The following SRGAP3 variants were observed in gnomAD, a reference collection of about 807,000 sequenced individuals.
The protein encoded by SRGAP3 is SLIT-ROBO Rho GTPase-activating protein 3.
SRGAP3 carries 39 observed loss-of-function variants against 121.1 expected under a neutral mutation model. The observed-to-expected ratio is 0.32, with a 90% CI of 0.25 to 0.42. SRGAP3 has a LOEUF of 0.42. Among genes scored for constraint, SRGAP3 ranks in the 10% least tolerant of loss-of-function variants. SRGAP3 has a pLI of 1.00. For synonymous variants in SRGAP3, 601 were observed against 570.0 expected (o/e 1.05, Z -0.77); for missense variants, 1,213 against 1,470.6 (o/e 0.82, Z 2.86).
At chr3:9,264,050 G>A (rs1002973498) in intron 3 of SRGAP3, among the ~76,000 whole-genome samples, 3 of 152,204 alleles carry the variant, frequency 2.0e-5, no homozygotes, top group Non-Finnish European at 4.4e-5. Context: ...TTCCTGGGAT[G>A]CAAGGCTGGT....
At chr3:9,140,527 A>G (rs554056628) in intron 1 of SRGAP3, among the ~76,000 whole-genome samples, 1 of 152,246 alleles carries the variant, frequency 6.6e-6, no homozygotes, top group Non-Finnish European at 1.5e-5. Flanking sequence ...CTGAACACCT[A>G]TGTGCTAAGC....
intron 9 of SRGAP3, among the ~76,000 whole-genome samples, chr3:9,050,375 G>A (rs1164778303): frequency 2.6e-5 from 4 of 152,188 alleles, no homozygotes; most frequent in Non-Finnish European, 5.9e-5. Flanking sequence ...TCATGCCTTG[G>A]CAGGTCATCC....
intron 2 of SRGAP3, among the ~76,000 whole-genome samples, chr3:9,105,320 T>C (rs1455727950): frequency 6.6e-6 from 1 of 152,230 alleles, no homozygotes; most frequent in African/African-American, 2.4e-5. Context: ...CTTCTGTCTC[T>C]TGGCCTCTTG....
chr3:9,323,025 AT>A (rs1440086275), intron 3 of SRGAP3, among the ~76,000 whole-genome samples: 1 of 151,952 alleles, frequency 6.6e-6, no homozygotes, highest in Non-Finnish European at 1.5e-5. Flanking sequence ...TAACACAGAT[AT>A]GTCCCAGAGG....
rs1252887255 is a variant in SRGAP3, at chr3:9,160,609, A to C, written c.68-35692T>G. Among the ~76,000 whole-genome samples, 5 of 152,196 alleles carry C rather than the reference A, an allele frequency of 3.3e-5. No homozygotes were observed. In the East Asian group the frequency reaches 9.6e-4, roughly 29 times the overall value. ...GGGAAACCCTGAGCCAGAACCATCCAACTAAGCCATTCCTGATTCTTGACC... is the reference window on the plus strand; with the variant it reads ...GGGAAACCCTGAGCCAGAACCATCCCACTAAGCCATTCCTGATTCTTGACC... On this transcript the variant is annotated intron_variant, in intron 1 of 21. Transcript: ENST00000383836.
chr3:9,099,188 C>T (rs193014549), intron 3 of SRGAP3, among the ~76,000 whole-genome samples: 15 of 152,290 alleles, frequency 9.8e-5, no homozygotes, highest in Non-Finnish European at 1.6e-4. Context: ...GAGGCGGGAA[C>T]GAGAAAACTC....
At chr3:9,105,970 T>C (rs566316495) in intron 2 of SRGAP3, among the ~76,000 whole-genome samples, 1 of 152,216 alleles carries the variant, frequency 6.6e-6, no homozygotes, top group Non-Finnish European at 1.5e-5. Context: ...CTGTTGAATA[T>C]CTCATGTAAT....
intron 3 of SRGAP3, among the ~76,000 whole-genome samples, chr3:9,312,456 C>A (rs533560486): frequency 6.6e-6 from 1 of 152,292 alleles, no homozygotes; most frequent in South Asian, 2.1e-4. Flanking sequence ...CGCACCTGGC[C>A]GAGATTCAAT....
intron 1 of SRGAP3, among the ~76,000 whole-genome samples, chr3:9,333,025 G>A (rs919769019): frequency 1.9e-4 from 29 of 152,118 alleles, no homozygotes; most frequent in African/African-American, 7.0e-4. Flanking sequence ...AATGGCAGGG[G>A]GAAAAAATAC....
Position 9,278,693 on chromosome 3 carries a change from C to T in SRGAP3, n.442+47317G>A, listed in dbSNP as rs549874268. 1.1e-4 allele frequency among the ~76,000 whole-genome samples: 16 copies of T among 152,286 alleles called. No homozygotes were observed. The South Asian group carries it at 3.1e-3, about 30-fold the overall frequency. On this transcript the variant is annotated intron_variant and non_coding_transcript_variant, in intron 3 of 3. Coordinates refer to the SRGAP3 transcript ENST00000490889. ...AGAAACAGGGTCAAATCACAGCAGC[C>T]GGGTATCCTGGGTAGATTACCTCAC...
chr3:9,068,038 C>G (rs1207607201), intron 4 of SRGAP3, among the ~76,000 whole-genome samples: 1 of 152,198 alleles, frequency 6.6e-6, no homozygotes, highest in East Asian at 1.9e-4. Context: ...CGACATGTCC[C>G]TCCACATCCA....
intron 1 of SRGAP3, among the ~76,000 whole-genome samples, chr3:9,129,781 A>G (rs1276548663): frequency 8.0e-5 from 12 of 149,324 alleles, no homozygotes; most frequent in Non-Finnish European, 1.6e-4. Flanking sequence ...TTTTTTTTTG[A>G]GACAGAGTCT....
chr3:9,100,695 T>C (rs977299726), intron 3 of SRGAP3, among the ~76,000 whole-genome samples: 2 of 152,070 alleles, frequency 1.3e-5, no homozygotes, highest in East Asian at 3.8e-4. Context: ...TGACTGAGAG[T>C]TCACTGTGTC....
At position 9,244,162 on chromosome 3, in the gene SRGAP3, G is replaced by T. The variant is rs1953744583; in HGVS notation, c.67+4723C>A. Reference sequence around the variant, plus strand: ...ACGCTCTAAGATTCAGTTCGTTCTGGCTCTCGAAGTTTTTGTGTTTGGGAT... The same window carrying T: ...ACGCTCTAAGATTCAGTTCGTTCTGTCTCTCGAAGTTTTTGTGTTTGGGAT... On this transcript the variant is annotated intron_variant, in intron 1 of 21. Coordinates refer to ENST00000383836, the MANE Select transcript of SRGAP3 (RefSeq NM_014850.4). Among the ~76,000 whole-genome samples the T allele has an allele frequency of 2.0e-5, 3 of 152,100 alleles. No individual in the cohort carries two copies. In the South Asian group the frequency reaches 6.2e-4, roughly 32 times the overall value.
At chr3:9,214,620 A>C (rs1438441385) in intron 1 of SRGAP3, among the ~76,000 whole-genome samples, 1 of 152,254 alleles carries the variant, frequency 6.6e-6, no homozygotes, top group Non-Finnish European at 1.5e-5. Flanking sequence ...AATCACTGAA[A>C]TAGACAATTA....
chr3:9,318,268 C>T (rs547972002), intron 3 of SRGAP3, among the ~76,000 whole-genome samples: 1 of 152,052 alleles, frequency 6.6e-6, no homozygotes, highest in African/African-American at 2.4e-5. Context: ...CCCTCACCTC[C>T]AGCCCAGCAC....
intron 1 of SRGAP3, among the ~76,000 whole-genome samples, chr3:9,174,087 T>C (rs1350320002): frequency 2.6e-5 from 4 of 152,152 alleles, no homozygotes; most frequent in African/African-American, 7.2e-5. Flanking sequence ...GGGGACAGTA[T>C]GCTAAGTGAA....
intron 10 of SRGAP3, among the ~76,000 whole-genome samples, chr3:9,042,634 C>T (rs1056874573): frequency 1.3e-5 from 2 of 152,094 alleles, no homozygotes; most frequent in Non-Finnish European, 1.5e-5. Context: ...GAGAAAAGTT[C>T]GGTAAAACAG....
chr3:9,295,294 T>G (rs1031657807), intron 3 of SRGAP3, among the ~76,000 whole-genome samples: 7 of 152,222 alleles, frequency 4.6e-5, no homozygotes, highest in Non-Finnish European at 2.9e-5. Flanking sequence ...TGCAAATCTA[T>G]TCTCTTCATT....
Sources: gnomAD v4.1 joint callset for allele counts (sites outside exome capture counted in the v4.1 genomes callset) on GRCh38, gnomAD v4.1.1 for gene constraint, MANE v1.5 for transcripts, NCBI Gene and HGNC (gene_info 2026-07-23, HGNC 2026-07-21) for gene names.